Variants in TAF13 observed in about 807,000 individuals in gnomAD.
The protein encoded by TAF13 is TATA-box binding protein associated factor 13.
TAF13 carries 9 observed loss-of-function variants against 18.7 expected under a neutral mutation model. That is an observed-to-expected ratio of 0.48 (90% CI 0.29 to 0.84). TAF13 has a LOEUF of 0.84. Ranked by LOEUF, TAF13 falls within the 40% of genes least tolerant of loss-of-function variation. The pLI, the probability that TAF13 is intolerant of heterozygous loss-of-function variation, is 0.08. For missense variants in TAF13, 105 were observed against 146.5 expected (o/e 0.72, Z 1.46); for synonymous variants, 49 against 44.1 (o/e 1.11, Z -0.44).
intron 2 of TAF13, 107 bp from the exon 3 acceptor site, chr1:109,066,339 G>T: frequency 1.2e-6 from 1 of 824,508 alleles, no homozygotes; most frequent in Non-Finnish European, 1.9e-6. Context: ...ATATTGGTAT[G>T]AAAACATATT....
At chr1:109,074,693 T>C (rs1260831049) in intron 2 of TAF13, among the ~76,000 whole-genome samples, 1 of 151,444 alleles carries the variant, frequency 6.6e-6, no homozygotes, top group African/African-American at 2.4e-5. Context: ...GGCAGGAGAA[T>C]GGCATGAACC....
At chr1:109,069,449 T>C (rs1436579217) in intron 2 of TAF13, among the ~76,000 whole-genome samples, 3 of 152,182 alleles carry the variant, frequency 2.0e-5, no homozygotes, top group Non-Finnish European at 4.4e-5. Flanking sequence ...GTTTAGGGAA[T>C]AGTGACAAGG....
At chr1:109,067,699 T>A (rs535942516) in intron 2 of TAF13, among the ~76,000 whole-genome samples, 2 of 152,248 alleles carry the variant, frequency 1.3e-5, no homozygotes, top group African/African-American at 2.4e-5. Flanking sequence ...TGCCAAAAGA[T>A]AAAACATATA....
Position 109,072,364 on chromosome 1 carries a change from G to A in TAF13, c.106+2623C>T, listed in dbSNP as rs566829816. Among the ~76,000 whole-genome samples, 15 of 151,742 alleles carry A rather than the reference G, an allele frequency of 9.9e-5. No homozygotes were observed. In the South Asian group the frequency reaches 2.7e-3, roughly 28 times the overall value. The stretch of plus-strand genomic sequence containing the variant: ...GTAGCAGCTCTCCCTTCCTCGTGTT[G>A]CCAAAAAGGGTCAAAACCGTCTACT... On this transcript the variant is annotated intron_variant, in intron 2 of 3. Transcript: ENST00000338366.
At chr1:109,074,237 ATTC>A (rs761538025) in intron 2 of TAF13, among the ~76,000 whole-genome samples, 1 of 152,206 alleles carries the variant, frequency 6.6e-6, no homozygotes, top group African/African-American at 2.4e-5. Flanking sequence ...ACTAAGAAAA[ATTC>A]TTCTGCCTTG....
At chr1:109,075,142 T>C in intron 1 of TAF13, 77 bp from the exon 2 acceptor site, 9 of 1,336,312 alleles carry the variant, frequency 6.7e-6, no homozygotes, top group Non-Finnish European at 8.2e-6. Context: ...CATTTTTTTT[T>C]CCTTTTCAAC....
At chr1:109,065,552 A>C (rs889592612) in intron 3 of TAF13, among the ~76,000 whole-genome samples, 1 of 152,052 alleles carries the variant, frequency 6.6e-6, no homozygotes, top group Non-Finnish European at 1.5e-5. Flanking sequence ...AGGGGAAAAA[A>C]AAAAACCTAT....
intron 2 of TAF13, among the ~76,000 whole-genome samples, chr1:109,068,055 A>G (rs1663981796): frequency 6.6e-6 from 1 of 152,064 alleles, no homozygotes; most frequent in Admixed American, 6.6e-5. Flanking sequence ...GTGGTGTTGC[A>G]GTACAGCTTG....
At chr1:109,067,782 C>T (rs1012984623) in intron 2 of TAF13, among the ~76,000 whole-genome samples, 5 of 152,132 alleles carry the variant, frequency 3.3e-5, no homozygotes, top group African/African-American at 1.2e-4. Flanking sequence ...CACAATGATC[C>T]TTTAAGGTAG....
chr1:109,071,958 ATATATATATATATATATAC>A (rs1664064361), intron 2 of TAF13, among the ~76,000 whole-genome samples: 4 of 4,800 alleles, frequency 8.3e-4, no homozygotes, highest in African/African-American at 1.9e-3. Flanking sequence ...CAAAAAGAAA[ATATATATATATATATATAC>A]ACACATATAT....
chr1:109,072,993 A>T (rs1308396260), intron 2 of TAF13, among the ~76,000 whole-genome samples: 4 of 148,940 alleles, frequency 2.7e-5, no homozygotes, highest in African/African-American at 9.9e-5. Flanking sequence ...TCAGTCTCCC[A>T]AAGTGCTGGG....
rs1663916736 is a variant in TAF13 at position 109,064,417 on chromosome 1, T to C, written c.*106A>G. 9.2e-7 allele frequency: 1 copy of C among 1,091,056 alleles called. No homozygotes were observed. Among genetic ancestry groups the C allele is most frequent in the Non-Finnish European group, 1.2e-6 (1 of 822,230 alleles). The allele number at this position is 1,091,056 out of a possible 1,614,324, so 67.6% of individuals were successfully genotyped here. On this transcript the variant is annotated 3_prime_UTR_variant, in exon 4 of 4. Coordinates refer to ENST00000338366, the MANE Select transcript of TAF13 (RefSeq NM_005645.4). The stretch of plus-strand genomic sequence containing the variant: ...ATAAAGGCTGAAAACTTTGTGTTTC[T>C]CCATCTTTCATTTACATGGCTAGAT...
intron 2 of TAF13, among the ~76,000 whole-genome samples, chr1:109,066,716 T>C (rs1329272126): frequency 1.6e-4 from 25 of 151,950 alleles, no homozygotes; most frequent in Admixed American, 1.6e-3. Context: ...TTTTGTTTGT[T>C]TGTTTGTTTG....
chr1:109,065,023 A>G (rs1663929519), intron 3 of TAF13, among the ~76,000 whole-genome samples: 1 of 151,980 alleles, frequency 6.6e-6, no homozygotes, highest in Non-Finnish European at 1.5e-5. Context: ...GTACCCACCC[A>G]TTTCATTTAT....
chr1:109,072,725 G>C (rs951323400), intron 2 of TAF13, among the ~76,000 whole-genome samples: 2 of 151,512 alleles, frequency 1.3e-5, no homozygotes, highest in Non-Finnish European at 2.9e-5. Context: ...GATTACAGGC[G>C]TGAGCCACTG....
intron 2 of TAF13, among the ~76,000 whole-genome samples, chr1:109,072,051 CATATATAT>C (rs1216801737): frequency 4.2e-4 from 2 of 4,728 alleles, no homozygotes; most frequent in African/African-American, 6.8e-4. Context: ...TATACACACA[CATATATAT>C]ATATATATAT....
At chr1:109,066,070 AC>A (rs1639598614) in intron 3 of TAF13, 64 bp downstream of exon 3, 1 of 1,376,886 alleles carries the variant, frequency 7.3e-7, no homozygotes, top group Admixed American at 2.0e-5. Context: ...TTCTAGTCTT[AC>A]CTAAAGTTTA....
In TAF13 at chr1:109,064,639, C is replaced by G; in HGVS notation, c.259G>C (p.Val87Leu). 1 of 1,571,736 alleles carries G rather than the reference C, an allele frequency of 6.4e-7. No individual in the cohort carries two copies. The highest frequency in any genetic ancestry group is 8.6e-7 in the Non-Finnish European group (1 of 1,159,036). Residue 87 changes from valine (V) to leucine (L), a missense_variant, in exon 4 of 4, where the codon GTC becomes CTC. Val to Leu is a conservative substitution (Grantham distance 32). Transcript: ENST00000338366. Reference sequence around the variant, plus strand: ...CTTGGGTCCTTTCGAATCAAGAAGACGATATCTTCAACTTGTACTCGACCT... The same window carrying G: ...CTTGGGTCCTTTCGAATCAAGAAGAGGATATCTTCAACTTGTACTCGACCT... ...RQGRVQVEDI[V>L]FLIRKDPRKF... is the part of the protein sequence containing the mutation.
rs758543852 is a variant in TAF13, at chr1:109,075,958, C to G, written c.-11G>C. On this transcript the variant is annotated 5_prime_UTR_variant, in exon 1 of 4. Transcript: ENST00000338366. ...TTCCTCATCTGCCATCCCACTAGCA[C>G]GCCAACTCACAGCGTCCTGCCGGCT... The G allele has an allele frequency of 1.2e-6, 2 of 1,614,208 alleles. No homozygotes were observed. The highest frequency in any genetic ancestry group is 1.1e-5 in the South Asian group (1 of 91,080).
Sources: allele counts gnomAD v4.1 joint callset (sites outside exome capture counted in the v4.1 genomes callset), GRCh38; gene constraint gnomAD v4.1.1; transcripts MANE v1.5; gene names NCBI Gene and HGNC (gene_info 2026-07-23, HGNC 2026-07-21).